Variants in SH3D21 observed in about 807,000 individuals in gnomAD.
SH3D21 encodes the protein SH3 domain-containing protein 21.
In SH3D21, 83 loss-of-function variants were observed where a neutral mutation model predicts 82.1. The ratio of observed to expected loss-of-function variants is 1.01; its 90% CI spans 0.85 to 1.21. The LOEUF (loss-of-function observed/expected upper bound fraction) is 1.21, where lower values mean the gene tolerates loss of function less well. Ranked by LOEUF, SH3D21 falls within the 50% of genes most tolerant of loss-of-function variation. The pLI, the probability that SH3D21 is intolerant of heterozygous loss-of-function variation, is 0.00. For synonymous variants in SH3D21, 383 were observed against 387.8 expected (o/e 0.99, Z 0.15); for missense variants, 980 against 962.1 (o/e 1.02, Z -0.25).
rs1166512733 is a variant in SH3D21 at position 36,308,163 on chromosome 1, A to G, written c.593A>G (p.Asp198Gly). The G allele has an allele frequency of 3.2e-6, 5 of 1,549,598 alleles. No homozygotes were observed. Among genetic ancestry groups the G allele is most frequent in the Non-Finnish European group, 4.4e-6 (5 of 1,145,946 alleles). ...TTTGACTACCAGCCTGAGGCCCCAG[A>G]CGAGTTGGCGCTGCGGAGGGGGGAC... ...VLFDYQPEAP[D>G]ELALRRGDVV... The change falls in exon 8 of 16, where the codon GAC (aspartate) becomes GGC (glycine). Residue 198 changes from aspartate (D) to glycine (G), a missense_variant. Physicochemically the swap from Asp to Gly is moderately conservative, Grantham distance 94 (BLOSUM62 -1). Coordinates refer to ENST00000453908, the MANE Select transcript of SH3D21 (RefSeq NM_001162530.2).
intron 10 of SH3D21, among the ~76,000 whole-genome samples, chr1:36,317,946 C>A (rs1390884497): frequency 6.6e-6 from 1 of 152,170 alleles, no homozygotes; most frequent in African/African-American, 2.4e-5. Flanking sequence ...ATCTGCTTCC[C>A]CAATAGAACA....
rs1313119859 is a variant in SH3D21 at position 36,306,842 on chromosome 1, G to A, written c.163G>A (p.Glu55Lys). The A allele has an allele frequency of 7.7e-7, 1 of 1,296,972 alleles. No individual in the cohort carries two copies. The highest frequency in any genetic ancestry group is 5.7e-5 in the East Asian group (1 of 17,662). 80.3% of individuals were successfully genotyped at this position (1,296,972 alleles called of 1,614,324 possible). The change falls in exon 3 of 16, where the codon GAG (glutamate) becomes AAG (lysine). Residue 55 changes from glutamate to lysine, a missense_variant and splice_region_variant. Glu to Lys is a moderately conservative substitution (Grantham distance 56). Coordinates refer to ENST00000453908, the MANE Select transcript of SH3D21 (RefSeq NM_001162530.2). The surrounding 1 kb of genome is among the most constrained non-coding windows in gnomAD (Gnocchi z 4.5). The part of the protein sequence containing the change: ...YGLFPERLVQ[E>K]IPETLRGSGE... ...GCCTTCCCCGTGCCCTGATTCCCAGGAGATCCCAGAGACCCTGCGGGGCTC... is the reference window on the plus strand; with the variant it reads ...GCCTTCCCCGTGCCCTGATTCCCAGAAGATCCCAGAGACCCTGCGGGGCTC...
intron 10 of SH3D21, among the ~76,000 whole-genome samples, chr1:36,310,136 A>G (rs1646209836): frequency 6.6e-6 from 1 of 151,494 alleles, no homozygotes; most frequent in African/African-American, 2.4e-5. Context: ...TTGTATTTTT[A>G]ATAGAGACGG....
chr1:36,309,419 A>G (rs1439123968), intron 9 of SH3D21, 129 bp from the exon 10 acceptor site: 8 of 1,041,486 alleles, frequency 7.7e-6, no homozygotes, highest in Non-Finnish European at 1.1e-5. Context: ...CTGGTCTCGA[A>G]CTTCTGTCCT....
intron 10 of SH3D21, among the ~76,000 whole-genome samples, chr1:36,312,206 A>C (rs1445088730): frequency 2.6e-5 from 4 of 151,620 alleles, no homozygotes; most frequent in Non-Finnish European, 5.9e-5. Context: ...TTGTATTTTT[A>C]GTAGAGACGG....
downstream of SH3D21, chr1:36,321,399 A>C: frequency 1.7e-4 from 104 of 617,414 alleles, no homozygotes; most frequent in Non-Finnish European, 2.4e-4. This position sits in a 1 kb window ranked among gnomAD's most constrained non-coding sequence, Gnocchi z 6.1. Flanking sequence ...GGGGCGGGGG[A>C]GGGTGTCTCC....
In SH3D21 at chr1:36,319,692, C is replaced by T. The variant is rs762884671; in HGVS notation, c.1029C>T (p.Ser343=). ...SVSSQEEEHS[S]PVKAPSVKRT... is the part of the protein sequence containing the mutation. Reference sequence around the variant, plus strand: ...CACGGCAGGAGGAAGAGCACAGCAGCCCGGTAAAGGCCCCCTCTGTGAAGA... The same window carrying T: ...CACGGCAGGAGGAAGAGCACAGCAGTCCGGTAAAGGCCCCCTCTGTGAAGA... The change falls in exon 14 of 16, where the codon AGC becomes AGT. Residue 343 remains serine (S), a synonymous_variant. Coordinates refer to ENST00000453908, the MANE Select transcript of SH3D21 (RefSeq NM_001162530.2). The T allele has an allele frequency of 3.8e-6, 6 of 1,589,770 alleles. No individual in the cohort carries two copies. Among genetic ancestry groups the T allele is most frequent in the East Asian group, 4.5e-5 (2 of 44,282 alleles).
downstream of SH3D21, chr1:36,322,319 G>C (rs889045138): frequency 3.2e-6 from 5 of 1,556,350 alleles, no homozygotes; most frequent in South Asian, 2.3e-5. Flanking sequence ...TGCGGCCCAG[G>C]GTGCCCGTGG....
chr1:36,309,531 A>C lies in SH3D21; in HGVS notation c.727-17A>C. ...TTTAGATTAAGGATGCTCAACCTTT[A>C]CTTCTTTTCGGCATAGATCAAGAAG... is the stretch of plus-strand genomic sequence containing the variant. On this transcript the variant is annotated splice_polypyrimidine_tract_variant and intron_variant, in intron 9 of 15. Transcript: ENST00000453908. 1 of 1,551,386 alleles carries C rather than the reference A, an allele frequency of 6.4e-7. No homozygotes were observed. The highest frequency in any genetic ancestry group is 8.7e-7 in the Non-Finnish European group (1 of 1,146,800).
In SH3D21 at chr1:36,307,281, A is replaced by G. The variant is rs762466166; in HGVS notation, c.341A>G (p.Lys114Arg). 6.4e-7 allele frequency: 1 copy of G among 1,551,848 alleles called. No individual in the cohort carries two copies. Among genetic ancestry groups the G allele is most frequent in the South Asian group, 1.2e-5 (1 of 84,058 alleles). The change falls in exon 4 of 16, where the codon AAG becomes AGG. Residue 114 changes from lysine to arginine, a missense_variant. Lys to Arg is a conservative substitution (Grantham distance 26). Coordinates refer to ENST00000453908, the MANE Select transcript of SH3D21 (RefSeq NM_001162530.2). This position sits in a 1 kb window ranked among gnomAD's most constrained non-coding sequence, Gnocchi z 5.4. ...LQAGEIVEMIKEIEDGWWLGK... is the reference protein window; with the variant it reads ...LQAGEIVEMIREIEDGWWLGK... ...GCTGGGGAGATCGTGGAAATGATAA[A>G]GGAGGTGAGGGGTGAGGTGATGGGA...
At chr1:36,309,178 T>C (rs995087689) in intron 9 of SH3D21, among the ~76,000 whole-genome samples, 4 of 152,006 alleles carry the variant, frequency 2.6e-5, no homozygotes, top group Non-Finnish European at 5.9e-5. Flanking sequence ...AAGTTTCAGA[T>C]TTTGGAGCAT....
In SH3D21 at chr1:36,307,364, G is replaced by A. The variant is rs1431138517; in HGVS notation, c.345+79G>A. On this transcript the variant is annotated intron_variant, in intron 4 of 15. Coordinates refer to ENST00000453908, the MANE Select transcript of SH3D21 (RefSeq NM_001162530.2). The surrounding 1 kb of genome is among the most constrained non-coding windows in gnomAD (Gnocchi z 5.4). ...CTAGTGAGCGGGGTGGGAAGTGAGG[G>A]TGTGGACGGTGGGAATGGCGACGGT... The A allele has an allele frequency of 1.3e-6, 2 of 1,532,630 alleles. No individual in the cohort carries two copies. The highest frequency in any genetic ancestry group is 1.4e-5 in the African/African-American group (1 of 72,752). The allele number at this position is 1,532,630 out of a possible 1,614,324, so 94.9% of individuals were successfully genotyped here.
downstream of SH3D21, among the ~76,000 whole-genome samples, chr1:36,327,535 C>T (rs945725322): frequency 1.1e-4 from 16 of 152,200 alleles, no homozygotes; most frequent in Non-Finnish European, 2.2e-4. Context: ...CTCTGTGCTA[C>T]GCAGCTCTCT....
At chr1:36,322,912 G>A (rs1646492367), downstream of SH3D21, 1 of 1,586,306 alleles carries the variant, frequency 6.3e-7, no homozygotes, top group Non-Finnish European at 8.6e-7. Flanking sequence ...GCTGGGGAGG[G>A]AAGGGGATGG....
At chr1:36,327,221 C>A (rs537822060), downstream of SH3D21, among the ~76,000 whole-genome samples, 1 of 152,322 alleles carries the variant, frequency 6.6e-6, no homozygotes, top group African/African-American at 2.4e-5. Context: ...ATTTGAAGAC[C>A]ATCAGCAATA....
At chr1:36,308,282 CT>C (rs1646171711) in intron 8 of SH3D21, 73 bp downstream of exon 8, 41 of 1,469,858 alleles carry the variant, frequency 2.8e-5, no homozygotes, top group Non-Finnish European at 3.5e-5. Context: ...CATGTACCCC[CT>C]GAATCTAAAA....
chr1:36,315,629 G>A (rs1412996914), intron 10 of SH3D21, among the ~76,000 whole-genome samples: 25 of 152,138 alleles, frequency 1.6e-4, no homozygotes, highest in African/African-American at 5.6e-4. Context: ...GATTACAGGC[G>A]TGAACCACTG....
At chr1:36,324,532 C>T (rs1311317759), downstream of SH3D21, 1 of 152,240 alleles carries the variant, frequency 6.6e-6, no homozygotes. Flanking sequence ...TGGCGGGAGC[C>T]TTAGAGAGGA....
downstream of SH3D21, chr1:36,324,178 C>A (rs1243250020): frequency 1.3e-5 from 2 of 152,252 alleles, no homozygotes; most frequent in African/African-American, 2.4e-5. Context: ...GAGCTCTGGT[C>A]TAGTCACGCA....
Sources: gnomAD v4.1 joint callset for allele counts (sites outside exome capture counted in the v4.1 genomes callset) on GRCh38, gnomAD v4.1.1 for gene constraint, Gnocchi (gnomAD v3.1) non-coding constraint, MANE v1.5 for transcripts, NCBI Gene and HGNC (gene_info 2026-07-23, HGNC 2026-07-21) for gene names.